COL4A4: variants seen among roughly 807,000 people sequenced by gnomAD.
COL4A4 encodes the protein collagen alpha-4(IV) chain.
In COL4A4, 105 loss-of-function variants were observed where a neutral mutation model predicts 192.9. That is an observed-to-expected ratio of 0.54 (90% CI 0.46 to 0.64). The LOEUF (loss-of-function observed/expected upper bound fraction) is 0.64, where lower values mean the gene tolerates loss of function less well. Among genes scored for constraint, COL4A4 ranks in the 30% least tolerant of loss-of-function variants. The pLI is 0.00. For missense variants in COL4A4, 1,967 were observed against 2,169.3 expected (o/e 0.91, Z 1.85); for synonymous variants, 762 against 769.9 (o/e 0.99, Z 0.17).
At chr2:227,097,528 T>C (rs2060267353) in intron 19 of COL4A4, among the ~76,000 whole-genome samples, 1 of 152,230 alleles carries the variant, frequency 6.6e-6, no homozygotes, top group Admixed American at 6.5e-5. Flanking sequence ...AGAGGTTTCC[T>C]GGGTTTGAAT....
chr2:226,992,804 G>T, the COL4A4 span, among the ~76,000 whole-genome samples: 2 of 152,186 alleles, frequency 1.3e-5, no homozygotes, highest in Admixed American at 6.5e-5. Flanking sequence ...CGATGGCCAC[G>T]TGGGGAAGTG....
intron 22 of COL4A4, among the ~76,000 whole-genome samples, chr2:227,084,280 A>G (rs975125071): frequency 6.6e-6 from 1 of 152,206 alleles, no homozygotes; most frequent in Non-Finnish European, 1.5e-5. Context: ...AGAATAAATT[A>G]TCAGGACAGA....
intron 25 of COL4A4, among the ~76,000 whole-genome samples, chr2:227,065,933 C>T (rs550688066): frequency 1.8e-4 from 28 of 152,234 alleles, no homozygotes; most frequent in South Asian, 8.3e-4. Context: ...CTCCGAGCTA[C>T]GGGGGAACAT....
rs947648515 is a variant in COL4A4 at position 227,002,838 on chromosome 2, C to CTT, written c.*4485_*4486dup. 91 of 152,312 alleles carry CTT rather than the reference C, an allele frequency of 6.0e-4. 1 individual carries two copies. Among genetic ancestry groups the CTT allele is most frequent in the African/African-American group, 2.1e-3 (88 of 41,142 alleles). The allele number at this position is 152,312 out of a possible 1,614,324, so 9.4% of individuals were successfully genotyped here. A position where few individuals can be genotyped will look rare whatever the true frequency, so the allele number is the denominator to read the frequency against. ...AAAGTTACATGCTGAAAGTCTTTAACTTTACAACCAGAGGTTAGAGAAAGG... is the reference window on the plus strand; with the variant it reads ...AAAGTTACATGCTGAAAGTCTTTAACTTTTTACAACCAGAGGTTAGAGAAAGG... On this transcript the variant is annotated 3_prime_UTR_variant, in exon 48 of 48. Transcript: ENST00000396625.
intron 9 of COL4A4, among the ~76,000 whole-genome samples, chr2:227,110,531 C>T (rs927958003): frequency 2.0e-5 from 3 of 151,986 alleles, no homozygotes; most frequent in Admixed American, 6.6e-5. Flanking sequence ...TACAGCCACG[C>T]ACCACCACGT....
At chr2:227,145,740 C>T (rs766574399) in intron 2 of COL4A4, among the ~76,000 whole-genome samples, 3 of 152,090 alleles carry the variant, frequency 2.0e-5, no homozygotes, top group East Asian at 1.9e-4. Context: ...GCTGAGATGC[C>T]GACAGACACT....
chr2:227,148,884 C>T (rs1248420421), intron 1 of COL4A4, among the ~76,000 whole-genome samples: 1 of 151,488 alleles, frequency 6.6e-6, no homozygotes, highest in Non-Finnish European at 1.5e-5. Flanking sequence ...TCTTATGGCC[C>T]AGGCTGGAGT....
At chr2:227,037,868 G>C (rs539510454) in intron 37 of COL4A4, among the ~76,000 whole-genome samples, 3 of 152,122 alleles carry the variant, frequency 2.0e-5, no homozygotes, top group Non-Finnish European at 2.9e-5. Context: ...TCATATGTTT[G>C]TTGGCCGCAT....
Position 227,051,066 on chromosome 2 carries a change from C to G in COL4A4, c.3061G>C (p.Gly1021Arg), listed in dbSNP as rs1164069094. Residue 1021 changes from glycine to arginine, a missense_variant, in exon 33 of 48, where the codon GGT (glycine) becomes CGT (arginine). Physicochemically the swap from Gly to Arg is moderately radical, Grantham distance 125. Transcript: ENST00000396625. ...GFHRGEPGEKGQPGPPGPPGP... is the reference protein window; with the variant it reads ...GFHRGEPGEKRQPGPPGPPGP... ...GGGGGTCCAGGAGGCCCTGGCTGAC[C>G]TTTCTCACCAGGTTCCCCTCTGTGA... 1.2e-6 allele frequency: 2 copies of G among 1,614,032 alleles called. No homozygotes were observed. The highest frequency in any genetic ancestry group is 8.5e-7 in the Non-Finnish European group (1 of 1,180,036).
intron 6 of COL4A4, 64 bp from the exon 7 acceptor site, chr2:227,118,825 AAT>A: frequency 2.0e-6 from 2 of 986,440 alleles, no homozygotes; most frequent in Non-Finnish European, 3.2e-6. Flanking sequence ...AAGGTTATGC[AAT>A]ATGAATACTC....
chr2:226,989,600 C>A, the COL4A4 span, among the ~76,000 whole-genome samples: 1 of 152,140 alleles, frequency 6.6e-6, no homozygotes, highest in African/African-American at 2.4e-5. Flanking sequence ...GTCTCTTTGA[C>A]TTTTCTTTCT....
At chr2:227,161,523 C>T (rs115706836) in intron 1 of COL4A4, among the ~76,000 whole-genome samples, 1 of 152,250 alleles carries the variant, frequency 6.6e-6, no homozygotes, top group African/African-American at 2.4e-5. Flanking sequence ...AACAATCAAG[C>T]CTTCCAGTTA....
At chr2:227,030,167 A>T (rs1016132939) in intron 41 of COL4A4, among the ~76,000 whole-genome samples, 2 of 152,062 alleles carry the variant, frequency 1.3e-5, no homozygotes, top group African/African-American at 4.8e-5. Context: ...CTATATTTTT[A>T]AATTGCACAT....
intron 1 of COL4A4, among the ~76,000 whole-genome samples, chr2:227,148,504 G>A (rs1310558196): frequency 6.6e-6 from 1 of 152,148 alleles, no homozygotes; most frequent in African/African-American, 2.4e-5. Context: ...AAAGAATTGA[G>A]TTTCTTTCTG....
chr2:227,118,146 C>T (rs141190514), intron 7 of COL4A4, among the ~76,000 whole-genome samples: 1 of 152,030 alleles, frequency 6.6e-6, no homozygotes, highest in Non-Finnish European at 1.5e-5. Flanking sequence ...TAGCTGTGAA[C>T]CTTTGAAATC....
At chr2:227,159,692 T>C (rs1049282154) in intron 1 of COL4A4, among the ~76,000 whole-genome samples, 1 of 152,166 alleles carries the variant, frequency 6.6e-6, no homozygotes, top group Non-Finnish European at 1.5e-5. Context: ...ACAAGGGGCT[T>C]CCCCCTTCGC....
chr2:227,099,512 G>A, intron 18 of COL4A4, 108 bp downstream of exon 18: 1 of 984,892 alleles, frequency 1.0e-6, no homozygotes, highest in Non-Finnish European at 1.6e-6. Context: ...CGTGCATTCA[G>A]CCTGCCTAGT....
intron 22 of COL4A4, among the ~76,000 whole-genome samples, chr2:227,088,117 GATGA>G (rs1212857938): frequency 6.6e-6 from 1 of 152,160 alleles, no homozygotes; most frequent in Non-Finnish European, 1.5e-5. Context: ...GTAAACGATG[GATGA>G]ATGGATGAGT....
intron 8 of COL4A4, among the ~76,000 whole-genome samples, chr2:227,112,488 C>G (rs749505855): frequency 2.0e-5 from 3 of 152,226 alleles, no homozygotes; most frequent in South Asian, 2.1e-4. Context: ...AGGCTGGTCT[C>G]GAACTCCTGA....
Sources: allele counts gnomAD v4.1 joint callset (sites outside exome capture counted in the v4.1 genomes callset), GRCh38; gene constraint gnomAD v4.1.1; transcripts MANE v1.5; gene names NCBI Gene and HGNC (gene_info 2026-07-23, HGNC 2026-07-21).